SHANK2: variants seen among roughly 807,000 people sequenced by gnomAD.
SHANK2 encodes SH3 and multiple ankyrin repeat domains 2, also known as SH3 and multiple ankyrin repeat domains protein 2.
In SHANK2, 43 loss-of-function variants were observed where a neutral mutation model predicts 133.7. The ratio of observed to expected loss-of-function variants is 0.32; its 90% confidence interval spans 0.25 to 0.41. The LOEUF (loss-of-function observed/expected upper bound fraction) is 0.41, where lower values mean the gene tolerates loss of function less well. Ranked by LOEUF, SHANK2 falls within the 10% of genes least tolerant of loss-of-function variation. SHANK2 has a pLI of 1.00. For synonymous variants in SHANK2, 1,017 were observed against 952.8 expected (o/e 1.07, Z -1.24); for missense variants, 1,994 against 2,235.8 (o/e 0.89, Z 2.18).
At chr11:70,679,412 C>T (rs544670691) in intron 15 of SHANK2, among the ~76,000 whole-genome samples, 11 of 152,330 alleles carry the variant, frequency 7.2e-5, no homozygotes, top group African/African-American at 2.4e-4. Flanking sequence ...CAGGCCTATC[C>T]CCGGACCATC....
chr11:71,108,312 C>T (rs1951832106), intron 6 of SHANK2, among the ~76,000 whole-genome samples: 1 of 152,180 alleles, frequency 6.6e-6, no homozygotes, highest in African/African-American at 2.4e-5. Context: ...CCCAAGCCTC[C>T]TACAGACGTA....
intron 17 of SHANK2, among the ~76,000 whole-genome samples, chr11:70,652,809 C>T (rs574048460): frequency 6.6e-6 from 1 of 152,134 alleles, no homozygotes; most frequent in Admixed American, 6.5e-5. Flanking sequence ...GATCCTGTCT[C>T]TAAAAAAGAA....
rs1565537279 is a variant in SHANK2, at chr11:71,252,541, A to AGCC, written c.-232_-230dup. 1 of 150,436 alleles carries AGCC rather than the reference A, an allele frequency of 6.6e-6. No individual in the cohort carries two copies. The highest frequency in any genetic ancestry group is 1.5e-5 in the Non-Finnish European group (1 of 67,450). 9.3% of individuals were successfully genotyped at this position (150,436 alleles called of 1,614,324 possible). Reference sequence around the variant, plus strand: ...GCGCCCAGCCCCGCCGGAGCTCAGGAGCCGCCGCCGCGGCTCAGGTGCAGG... The same window carrying AGCC: ...GCGCCCAGCCCCGCCGGAGCTCAGGAGCCGCCGCCGCCGCGGCTCAGGTGCAGG... On this transcript the variant is annotated 5_prime_UTR_variant, in exon 1 of 26. Coordinates refer to ENST00000601538, the MANE Select transcript of SHANK2 (RefSeq NM_012309.5). The surrounding 1 kb of genome is among the most constrained non-coding windows in gnomAD (Gnocchi z 6.3).
chr11:70,853,705 G>A (rs1555066316), intron 11 of SHANK2, among the ~76,000 whole-genome samples: 1 of 152,180 alleles, frequency 6.6e-6, no homozygotes, highest in African/African-American at 2.4e-5. Flanking sequence ...TACACAATGG[G>A]TGACTTCAGA....
chr11:70,642,850 C>T (rs2061202747), intron 17 of SHANK2, among the ~76,000 whole-genome samples: 1 of 152,132 alleles, frequency 6.6e-6, no homozygotes, highest in Non-Finnish European at 1.5e-5. Flanking sequence ...ATAAAGAATA[C>T]AAGTTTTTAA....
At chr11:70,847,931 A>G (rs1949021421) in intron 11 of SHANK2, among the ~76,000 whole-genome samples, 1 of 152,218 alleles carries the variant, frequency 6.6e-6, no homozygotes, top group African/African-American at 2.4e-5. Context: ...TCACGGCTAC[A>G]GGAGACCTGG....
At chr11:70,475,104 G>C (rs1390646259) in intron 25 of SHANK2, 4 of 152,358 alleles carry the variant, frequency 2.6e-5, no homozygotes, top group Admixed American at 6.5e-5. Flanking sequence ...CTGGGGGCCA[G>C]TTCATCGACT....
chr11:70,847,049 A>G (rs1185326583), intron 11 of SHANK2, among the ~76,000 whole-genome samples: 2 of 152,228 alleles, frequency 1.3e-5, no homozygotes, highest in Non-Finnish European at 2.9e-5. Flanking sequence ...GCAAGATGGC[A>G]TCACTTTACA....
At chr11:70,623,104 A>C (rs2060853321) in intron 17 of SHANK2, among the ~76,000 whole-genome samples, 1 of 151,734 alleles carries the variant, frequency 6.6e-6, no homozygotes, top group South Asian at 2.1e-4. Flanking sequence ...TGAACCCGGG[A>C]GGCGGAGTTT....
chr11:70,847,700 A>G (rs1949016982), intron 11 of SHANK2, among the ~76,000 whole-genome samples: 1 of 152,148 alleles, frequency 6.6e-6, no homozygotes. Context: ...CCGAGTTCAC[A>G]AGCAGAGTCT....
chr11:70,866,829 A>G (rs1234205197), intron 11 of SHANK2, among the ~76,000 whole-genome samples: 1 of 151,782 alleles, frequency 6.6e-6, no homozygotes, highest in East Asian at 2.0e-4. Flanking sequence ...GGGGTGACCT[A>G]GAGGCAGCCA....
At chr11:70,858,752 CCT>C (rs1555067234) in intron 11 of SHANK2, among the ~76,000 whole-genome samples, 4 of 152,224 alleles carry the variant, frequency 2.6e-5, no homozygotes, top group African/African-American at 9.6e-5. Flanking sequence ...CTATCTCCAG[CCT>C]AACTTTACTA....
intron 2 of SHANK2, among the ~76,000 whole-genome samples, chr11:71,217,914 G>A (rs1000479679): frequency 6.6e-5 from 10 of 151,968 alleles, no homozygotes; most frequent in Admixed American, 1.3e-4. Flanking sequence ...GCAGTGGCGC[G>A]TTCTTGGCTC....
chr11:70,815,186 AC>A (rs1948365584), intron 12 of SHANK2, among the ~76,000 whole-genome samples: 3 of 45,112 alleles, frequency 6.7e-5, no homozygotes, highest in Non-Finnish European at 1.2e-4. Context: ...ACACACACAC[AC>A]ACACACACAC....
chr11:70,616,346 C>T (rs1281429851), intron 17 of SHANK2, among the ~76,000 whole-genome samples: 6 of 152,116 alleles, frequency 3.9e-5, no homozygotes, highest in Non-Finnish European at 8.8e-5. Flanking sequence ...CTCCAGGGAC[C>T]CCAAGAGGAG....
chr11:71,159,920 A>C (rs1369517388), intron 2 of SHANK2, among the ~76,000 whole-genome samples: 1 of 151,664 alleles, frequency 6.6e-6, no homozygotes, highest in Non-Finnish European at 1.5e-5. Flanking sequence ...CCAGGAGATG[A>C]AAGTTGCAGT....
intron 17 of SHANK2, among the ~76,000 whole-genome samples, chr11:70,639,560 TC>T (rs2061150205): frequency 6.6e-6 from 1 of 152,192 alleles, no homozygotes; most frequent in Non-Finnish European, 1.5e-5. Context: ...TATGAATTTT[TC>T]AGGTGACACA....
intron 12 of SHANK2, among the ~76,000 whole-genome samples, chr11:70,820,053 C>G (rs782445582): frequency 9.2e-5 from 14 of 152,150 alleles, no homozygotes; most frequent in Non-Finnish European, 1.9e-4. Flanking sequence ...AGTCAGTACA[C>G]AAGGAAAGGA....
intron 14 of SHANK2, among the ~76,000 whole-genome samples, chr11:70,741,143 C>T (rs1207748706): frequency 6.6e-6 from 1 of 152,048 alleles, no homozygotes; most frequent in African/African-American, 2.4e-5. Context: ...TGAACTCCCT[C>T]AAATTCTCAG....
Sources: allele counts gnomAD v4.1 joint callset (sites outside exome capture counted in the v4.1 genomes callset), GRCh38; gene constraint gnomAD v4.1.1; non-coding constraint Gnocchi (gnomAD v3.1); transcripts MANE v1.5; gene names NCBI Gene and HGNC (gene_info 2026-07-23, HGNC 2026-07-21).